Variants in ABHD12 observed in about 807,000 individuals in gnomAD.
ABHD12 encodes abhydrolase domain containing 12, lysophospholipase.
A neutral mutation model predicts 58.3 loss-of-function variants in ABHD12; 43 were observed. The ratio of observed to expected loss-of-function variants is 0.74; its 90% CI spans 0.58 to 0.95. ABHD12 has a LOEUF of 0.95. Ranked by LOEUF, ABHD12 falls within the 40% of genes least tolerant of loss-of-function variation. The pLI, the probability that ABHD12 is intolerant of heterozygous loss-of-function variation, is 0.00. For missense variants in ABHD12, 539 were observed against 537.2 expected (o/e 1.00, Z -0.03); for synonymous variants, 219 against 211.2 (o/e 1.04, Z -0.32).
At chr20:25,359,947 CATT>C in intron 1 of ABHD12, among the ~76,000 whole-genome samples, 1 of 152,098 alleles carries the variant, frequency 6.6e-6, no homozygotes, top group Non-Finnish European at 1.5e-5. Context: ...TTCCCTCTAT[CATT>C]TGTCTCTTTT....
At chr20:25,351,502 A>G (rs1039921168) in intron 1 of ABHD12, among the ~76,000 whole-genome samples, 2 of 152,232 alleles carry the variant, frequency 1.3e-5, no homozygotes, top group Non-Finnish European at 2.9e-5. Context: ...TTGGCTGTGT[A>G]CTGCAGCCTC....
intron 6 of ABHD12, among the ~76,000 whole-genome samples, chr20:25,312,827 C>A (rs1446161081): frequency 5.8e-5 from 8 of 138,534 alleles, no homozygotes; most frequent in African/African-American, 1.3e-4. Context: ...TCTGCCCGGC[C>A]GCGACCCCGT....
At chr20:25,308,626 GA>G in intron 7 of ABHD12, 132 bp from the exon 8 acceptor site, 1 of 1,132,104 alleles carries the variant, frequency 8.8e-7, no homozygotes, top group Non-Finnish European at 1.3e-6. Flanking sequence ...CAGAGTGGGG[GA>G]AATGGAGATC....
chr20:25,337,095 C>T (rs963130914), intron 2 of ABHD12, among the ~76,000 whole-genome samples: 3 of 152,150 alleles, frequency 2.0e-5, no homozygotes. Context: ...AACCCCATCT[C>T]TACTAAAAAT....
At chr20:25,362,930 C>T (rs928112230) in intron 1 of ABHD12, among the ~76,000 whole-genome samples, 16 of 152,054 alleles carry the variant, frequency 1.1e-4, no homozygotes, top group African/African-American at 1.2e-4. Context: ...ACCTCGGCCT[C>T]CCAAAGTGCT....
chr20:25,383,007 CTG>C (rs1315651769), intron 1 of ABHD12, among the ~76,000 whole-genome samples: 1 of 151,938 alleles, frequency 6.6e-6, no homozygotes, highest in African/African-American at 2.4e-5. Context: ...CTGGCCCAGA[CTG>C]TACTGAGGGT....
intron 2 of ABHD12, among the ~76,000 whole-genome samples, chr20:25,327,400 G>C (rs1343435707): frequency 6.6e-6 from 1 of 151,472 alleles, no homozygotes; most frequent in Non-Finnish European, 1.5e-5. Context: ...CCGGGAGTCA[G>C]AGATTGCAGT....
At chr20:25,307,548 G>A (rs903038297) in intron 9 of ABHD12, among the ~76,000 whole-genome samples, 1 of 152,242 alleles carries the variant, frequency 6.6e-6, no homozygotes, top group African/African-American at 2.4e-5. Context: ...ATTCCCACTG[G>A]GGTTCACCTG....
chr20:25,312,776 C>A (rs546321319), intron 6 of ABHD12, among the ~76,000 whole-genome samples: 1 of 150,852 alleles, frequency 6.6e-6, no homozygotes, highest in Non-Finnish European at 1.5e-5. Flanking sequence ...ATGTGGGGAG[C>A]GCCTCTGCCC....
At chr20:25,376,521 C>T (rs1421797203) in intron 1 of ABHD12, among the ~76,000 whole-genome samples, 3 of 152,168 alleles carry the variant, frequency 2.0e-5, no homozygotes, top group Non-Finnish European at 4.4e-5. Flanking sequence ...TGTGAGAAGG[C>T]CTTATTTTCC....
rs551164553 is a variant in ABHD12, at chr20:25,369,123, T to TA, written c.191+21389dup. Among the ~76,000 whole-genome samples, 926 of 146,196 alleles carry TA rather than the reference T, an allele frequency of 6.3e-3. 10 individuals are homozygous for TA. The highest frequency in any genetic ancestry group is 0.022 in the African/African-American group (864 of 40,082). On this transcript the variant is annotated intron_variant, in intron 1 of 12. Transcript: ENST00000339157. ...ACAGAGAAGGACCACATTTCAAAAG[T>TA]AAAAAAAAAAAATTAGCCATCCTAA...
At chr20:25,358,221 C>T (rs550178352) in intron 1 of ABHD12, among the ~76,000 whole-genome samples, 107 of 152,252 alleles carry the variant, frequency 7.0e-4, no homozygotes, top group African/African-American at 2.4e-3. Context: ...AAAAGTTAGA[C>T]ATATGAAAGT....
chr20:25,298,741 A>AGAT (rs1254094985), downstream of ABHD12, among the ~76,000 whole-genome samples: 1 of 152,178 alleles, frequency 6.6e-6, no homozygotes, highest in African/African-American at 2.4e-5. Flanking sequence ...GTACAGTTGC[A>AGAT]GATTAAGAAA....
rs137904876 is a variant in ABHD12 at position 25,368,275 on chromosome 20, T to C, written c.191+22238A>G. On this transcript the variant is annotated intron_variant, in intron 1 of 12. Coordinates refer to ENST00000339157, the MANE Select transcript of ABHD12 (RefSeq NM_001042472.3). The stretch of plus-strand genomic sequence containing the variant: ...TAAGATAAAACACAAGTCAAACTTA[T>C]TAGAGTTGTTCACAGTCAGCAATGG... 3,721 of 1,531,242 alleles carry C rather than the reference T, an allele frequency of 2.4e-3. 85 individuals are homozygous for C. The African/African-American group carries it at 0.044, about 18-fold the overall frequency. 94.9% of individuals were successfully genotyped at this position (1,531,242 alleles called of 1,614,324 possible). A position where few individuals can be genotyped will look rare whatever the true frequency, so the allele number is the denominator to read the frequency against.
chr20:25,385,331 C>CAAAAAA (rs11477490), intron 1 of ABHD12, among the ~76,000 whole-genome samples: 39 of 51,732 alleles, frequency 7.5e-4, no homozygotes, highest in African/African-American at 2.8e-3. Context: ...GAGTGAGACT[C>CAAAAAA]AAAAAAAAAA....
At chr20:25,296,247 TC>T, downstream of ABHD12, 2 of 1,222,040 alleles carry the variant, frequency 1.6e-6, no homozygotes, top group East Asian at 4.9e-5. Flanking sequence ...GTCCTCCTCT[TC>T]CAGCGGATGG....
At position 25,390,667 on chromosome 20, in the gene ABHD12, C is replaced by T; in HGVS notation, c.37G>A (p.Glu13Lys). 2.1e-6 allele frequency: 3 copies of T among 1,436,340 alleles called. No individual in the cohort carries two copies. Among genetic ancestry groups the T allele is most frequent in the Admixed American group, 2.6e-5 (1 of 38,112 alleles). The allele number at this position is 1,436,340 out of a possible 1,614,324, so 89.0% of individuals were successfully genotyped here. Residue 13 changes from glutamate (E) to lysine (K), a missense_variant, in exon 1 of 13, where the codon GAG becomes AAG. Glu to Lys is a moderately conservative substitution (Grantham distance 56). Coordinates refer to ENST00000339157, the MANE Select transcript of ABHD12 (RefSeq NM_001042472.3). ...GACGAGCCCGCGGCGGCGCAGCGCTCATGCTCCAAGGCGACGGGCTCGGTC... is the reference window on the plus strand; with the variant it reads ...GACGAGCCCGCGGCGGCGCAGCGCTTATGCTCCAAGGCGACGGGCTCGGTC... ...KRTEPVALEH[E>K]RCAAAGSSSS... is the part of the protein sequence containing the mutation.
chr20:25,379,882 G>T (rs576966957), intron 1 of ABHD12, among the ~76,000 whole-genome samples: 52 of 151,848 alleles, frequency 3.4e-4, no homozygotes, highest in Non-Finnish European at 6.6e-4. Flanking sequence ...TCTAGATGAG[G>T]TCTCCCTTCA....
At chr20:25,334,267 A>G (rs2089325805) in intron 2 of ABHD12, among the ~76,000 whole-genome samples, 1 of 151,426 alleles carries the variant, frequency 6.6e-6, no homozygotes, top group East Asian at 1.9e-4. Context: ...GGACCTCTTC[A>G]AGGAGAACTA....
Sources: gnomAD v4.1 joint callset for allele counts (sites outside exome capture counted in the v4.1 genomes callset) on GRCh38, gnomAD v4.1.1 for gene constraint, MANE v1.5 for transcripts, NCBI Gene and HGNC (gene_info 2026-07-23, HGNC 2026-07-21) for gene names.